The following NAALADL2 variants were observed in gnomAD, a reference collection of about 807,000 sequenced individuals.
NAALADL2 encodes the protein N-acetylated alpha-linked acidic dipeptidase like 2.
A neutral mutation model predicts 87.2 loss-of-function variants in NAALADL2; 76 were observed. The observed-to-expected ratio is 0.87, with a 90% CI of 0.72 to 1.05. The LOEUF (loss-of-function observed/expected upper bound fraction) is 1.05, where lower values mean the gene tolerates loss of function less well. NAALADL2 is among the 50% of genes least tolerant of loss of function. NAALADL2 has a pLI of 0.00. For synonymous variants in NAALADL2, 354 were observed against 331.0 expected, an observed-to-expected ratio of 1.07 and a Z score of -0.75; for missense variants, 1,089 against 945.8, an observed-to-expected ratio of 1.15 and a Z score of -1.99.
At chr3:175,019,221 A>G (rs13316733) in intron 1 of NAALADL2, among the ~76,000 whole-genome samples, 51,075 of 151,876 alleles carry the variant, frequency 0.34, 11,588 homozygotes, top group African/African-American at 0.64. Context: ...AAATTGCCCC[A>G]AAGTTCATAC....
chr3:175,224,575 A>G (rs1381335764), intron 2 of NAALADL2, among the ~76,000 whole-genome samples: 1 of 151,834 alleles, frequency 6.6e-6, no homozygotes, highest in African/African-American at 2.4e-5. Context: ...ATCTCCACCC[A>G]CCCACTCCCC....
chr3:174,537,476 T>C (rs1721829469), intron 1 of NAALADL2, among the ~76,000 whole-genome samples: 1 of 152,218 alleles, frequency 6.6e-6, no homozygotes, highest in Non-Finnish European at 1.5e-5. Flanking sequence ...CAAATATTTA[T>C]TGAGCACTAT....
chr3:175,271,353 C>A (rs183199196), intron 4 of NAALADL2, among the ~76,000 whole-genome samples: 2 of 151,814 alleles, frequency 1.3e-5, no homozygotes, highest in African/African-American at 4.8e-5. Flanking sequence ...ATTAGGAAAA[C>A]GTGAATTATT....
At chr3:175,013,320 A>G (rs1486443056) in intron 1 of NAALADL2, among the ~76,000 whole-genome samples, 1 of 77,600 alleles carries the variant, frequency 1.3e-5, no homozygotes, top group African/African-American at 6.9e-5. Context: ...TTTTTTTGAG[A>G]CAGGGTCTTG....
intron 11 of NAALADL2, among the ~76,000 whole-genome samples, chr3:175,727,377 C>A (rs1369018812): frequency 2.0e-5 from 3 of 152,176 alleles, no homozygotes. Flanking sequence ...TAACACAGGT[C>A]TTTATGTTCA....
intron 1 of NAALADL2, among the ~76,000 whole-genome samples, chr3:175,034,346 G>T (rs551779021): frequency 1.7e-3 from 263 of 152,162 alleles, no homozygotes; most frequent in African/African-American, 6.2e-3. Context: ...CAGTTAAGTT[G>T]GATGAAACTT....
chr3:174,865,446 A>T (rs1579263015), intron 1 of NAALADL2, among the ~76,000 whole-genome samples: 2 of 152,110 alleles, frequency 1.3e-5, no homozygotes, highest in South Asian at 4.1e-4. Flanking sequence ...AGCTCCTTTG[A>T]AAACAGGTCA....
intron 13 of NAALADL2, 95 bp downstream of exon 13, chr3:175,755,513 G>A (rs913262458): frequency 5.9e-6 from 5 of 853,832 alleles, no homozygotes; most frequent in Non-Finnish European, 6.6e-6. Context: ...CATAACAGTA[G>A]TGTAAAAGAA....
At chr3:174,777,661 G>A (rs1009586293) in intron 3 of NAALADL2, among the ~76,000 whole-genome samples, 2 of 152,044 alleles carry the variant, frequency 1.3e-5, no homozygotes, top group Non-Finnish European at 2.9e-5. Flanking sequence ...CTGTTAAATT[G>A]CACTATTCTT....
intron 1 of NAALADL2, among the ~76,000 whole-genome samples, chr3:174,877,624 C>T (rs1728670595): frequency 6.6e-6 from 1 of 152,016 alleles, no homozygotes; most frequent in African/African-American, 2.4e-5. Context: ...AAAAATACAG[C>T]TTCCTTAGGT....
chr3:175,199,902 A>C (rs1284290313), intron 2 of NAALADL2, among the ~76,000 whole-genome samples: 1 of 91,508 alleles, frequency 1.1e-5, no homozygotes, highest in Non-Finnish European at 2.2e-5. Flanking sequence ...TCCTTAGTCC[A>C]TCTGAAGCAA....
chr3:175,316,995 C>T (rs1052071931), intron 4 of NAALADL2, among the ~76,000 whole-genome samples: 14 of 152,148 alleles, frequency 9.2e-5, no homozygotes, highest in African/African-American at 7.2e-5. Flanking sequence ...CAGGTCAAAC[C>T]ATTGCAGGCA....
intron 1 of NAALADL2, among the ~76,000 whole-genome samples, chr3:174,985,176 C>T (rs532573804): frequency 2.0e-4 from 31 of 152,192 alleles, no homozygotes; most frequent in African/African-American, 6.5e-4. Context: ...CATACTCAAA[C>T]TAAAATGCTA....
intron 10 of NAALADL2, among the ~76,000 whole-genome samples, chr3:175,627,071 TCTATC>T (rs1560874742): frequency 6.6e-6 from 1 of 151,870 alleles, no homozygotes; most frequent in African/African-American, 2.4e-5. Flanking sequence ...ATCTATTTAT[TCTATC>T]AAACAAGATG....
At chr3:174,746,257 A>C (rs1734239577) in intron 3 of NAALADL2, among the ~76,000 whole-genome samples, 1 of 152,194 alleles carries the variant, frequency 6.6e-6, no homozygotes, top group African/African-American at 2.4e-5. Flanking sequence ...TCAATGTACC[A>C]AAATCACAAG....
chr3:174,582,405 TA>T (rs1244836752), intron 2 of NAALADL2, among the ~76,000 whole-genome samples: 6 of 152,162 alleles, frequency 3.9e-5, no homozygotes, highest in African/African-American at 1.4e-4. Flanking sequence ...GAAAGTGAAG[TA>T]AATACAACAA....
intron 4 of NAALADL2, among the ~76,000 whole-genome samples, chr3:175,298,768 C>A (rs1189149977): frequency 3.3e-5 from 5 of 152,000 alleles, no homozygotes; most frequent in African/African-American, 9.7e-5. Flanking sequence ...TGAACTTAAC[C>A]AAGAAAACAG....
chr3:175,753,838 G>T, intron 12 of NAALADL2, among the ~76,000 whole-genome samples: 1 of 152,090 alleles, frequency 6.6e-6, no homozygotes, highest in African/African-American at 2.4e-5. Context: ...GCCTCAGGAG[G>T]CCTCCATTCT....
intron 1 of NAALADL2, among the ~76,000 whole-genome samples, chr3:174,480,616 C>A (rs980484173): frequency 3.3e-5 from 5 of 152,096 alleles, no homozygotes; most frequent in African/African-American, 7.2e-5. Context: ...TCTCCACTAT[C>A]ACCTTACATT....
Sources: allele counts gnomAD v4.1 joint callset (sites outside exome capture counted in the v4.1 genomes callset), GRCh38; gene constraint gnomAD v4.1.1; transcripts MANE v1.5; gene names NCBI Gene and HGNC (gene_info 2026-07-23, HGNC 2026-07-21).